Variants in GMDS observed in about 807,000 individuals in gnomAD.
GMDS encodes the protein GDP-mannose 4,6 dehydratase.
A neutral mutation model predicts 49.9 loss-of-function variants in GMDS; 20 were observed. The ratio of observed to expected loss-of-function variants is 0.40; its 90% CI spans 0.28 to 0.58. GMDS has a LOEUF of 0.58. Ranked by LOEUF, GMDS falls within the 20% of genes least tolerant of loss-of-function variation. The pLI is 0.42. For missense variants in GMDS, 362 were observed against 481.4 expected, an observed-to-expected ratio of 0.75 and a Z score of 2.32; for synonymous variants, 177 against 178.6, an observed-to-expected ratio of 0.99 and a Z score of 0.07.
intron 7 of GMDS, among the ~76,000 whole-genome samples, chr6:1,850,340 T>C (rs924740316): frequency 2.6e-5 from 4 of 152,224 alleles, no homozygotes; most frequent in African/African-American, 9.6e-5. Flanking sequence ...CATGTTGTAG[T>C]GAGGCGCTTC....
intron 4 of GMDS, among the ~76,000 whole-genome samples, chr6:2,114,972 CA>C (rs1554166845): frequency 0.091 from 13,775 of 151,048 alleles, 1,155 homozygotes; most frequent in East Asian, 0.2. Context: ...AACAAACAAA[CA>C]AAAAAAAACC....
At chr6:1,942,458 T>A (rs1247941550) in intron 6 of GMDS, among the ~76,000 whole-genome samples, 3 of 152,152 alleles carry the variant, frequency 2.0e-5, no homozygotes. Context: ...CAAGGTAAGA[T>A]CCTGGCCCAA....
At chr6:2,163,530 A>C (rs989599635) in intron 1 of GMDS, among the ~76,000 whole-genome samples, 2 of 152,198 alleles carry the variant, frequency 1.3e-5, no homozygotes, top group African/African-American at 2.4e-5. Flanking sequence ...CTGTAGACCC[A>C]GGAGAGCCAA....
chr6:1,793,567 G>C (rs1317328419), intron 7 of GMDS, among the ~76,000 whole-genome samples: 2 of 152,160 alleles, frequency 1.3e-5, no homozygotes, highest in Non-Finnish European at 2.9e-5. Context: ...GGATGTTTCT[G>C]AGCCACCGCA....
At chr6:1,916,030 G>C (rs1210397909) in intron 7 of GMDS, among the ~76,000 whole-genome samples, 1 of 152,200 alleles carries the variant, frequency 6.6e-6, no homozygotes, top group Non-Finnish European at 1.5e-5. Context: ...TGCTCACGCA[G>C]GCTTCGCAGG....
intron 7 of GMDS, among the ~76,000 whole-genome samples, chr6:1,809,160 T>G (rs1164279415): frequency 1.3e-5 from 2 of 152,214 alleles, no homozygotes; most frequent in East Asian, 3.8e-4. Flanking sequence ...TTTTATTTTC[T>G]CCAGGCTCCT....
chr6:1,768,643 A>G (rs541230437), intron 7 of GMDS, among the ~76,000 whole-genome samples: 22 of 152,364 alleles, frequency 1.4e-4, no homozygotes, highest in Admixed American at 2.6e-4. Flanking sequence ...TGCTGACTTA[A>G]CGTCCAAAGG....
chr6:1,711,689 C>A (rs552655476), intron 9 of GMDS, among the ~76,000 whole-genome samples: 2 of 152,212 alleles, frequency 1.3e-5, no homozygotes, highest in African/African-American at 2.4e-5. Context: ...TATCTCTGTG[C>A]TATCAGCCTG....
At chr6:1,912,818 C>A (rs933463521) in intron 7 of GMDS, among the ~76,000 whole-genome samples, 1 of 152,094 alleles carries the variant, frequency 6.6e-6, no homozygotes, top group South Asian at 2.1e-4. Context: ...TAGAATATTA[C>A]AACATAAAAA....
At chr6:1,741,811 C>CAAAAAAAA (rs758949708) in intron 8 of GMDS, among the ~76,000 whole-genome samples, 2 of 23,042 alleles carry the variant, frequency 8.7e-5, no homozygotes, top group Non-Finnish European at 9.6e-5. Context: ...GACTCTGTCT[C>CAAAAAAAA]AAAAAAAAAA....
intron 9 of GMDS, among the ~76,000 whole-genome samples, chr6:1,693,969 T>C (rs1476060703): frequency 1.3e-5 from 2 of 152,254 alleles, no homozygotes; most frequent in East Asian, 3.9e-4. Context: ...TTGCCCAAGG[T>C]TATACAACTA....
chr6:1,685,013 C>CT (rs1321721185), intron 9 of GMDS, among the ~76,000 whole-genome samples: 1 of 111,096 alleles, frequency 9.0e-6, no homozygotes, highest in Non-Finnish European at 2.0e-5. Flanking sequence ...CCCTCTCTCC[C>CT]CCCCCTTTTT....
chr6:1,958,103 G>C (rs1203057689), intron 6 of GMDS, among the ~76,000 whole-genome samples: 2 of 145,398 alleles, frequency 1.4e-5, no homozygotes, highest in Non-Finnish European at 3.0e-5. Context: ...ACTGTGCCTG[G>C]CCTTAAAATA....
At chr6:1,867,465 G>C (rs1020089551) in intron 7 of GMDS, among the ~76,000 whole-genome samples, 1 of 152,144 alleles carries the variant, frequency 6.6e-6, no homozygotes, top group African/African-American at 2.4e-5. Flanking sequence ...ATATAGACAG[G>C]AGCAATTTGT....
At chr6:1,736,890 C>T (rs1767018572) in intron 8 of GMDS, among the ~76,000 whole-genome samples, 2 of 152,146 alleles carry the variant, frequency 1.3e-5, no homozygotes, top group South Asian at 2.1e-4. Flanking sequence ...TCTGCAAATT[C>T]CCGAGGAATG....
intron 9 of GMDS, among the ~76,000 whole-genome samples, chr6:1,709,462 G>T (rs991179131): frequency 6.6e-6 from 1 of 152,228 alleles, no homozygotes; most frequent in African/African-American, 2.4e-5. Context: ...CAACAGTGAA[G>T]ATCATGTTCC....
At chr6:2,104,345 A>G (rs936762982) in intron 4 of GMDS, among the ~76,000 whole-genome samples, 7 of 152,220 alleles carry the variant, frequency 4.6e-5, no homozygotes, top group African/African-American at 1.7e-4. Flanking sequence ...TGTGTTATCA[A>G]TAGTAGCTTT....
At chr6:1,942,767 C>T (rs914764514) in intron 6 of GMDS, among the ~76,000 whole-genome samples, 1 of 152,232 alleles carries the variant, frequency 6.6e-6, no homozygotes, top group African/African-American at 2.4e-5. Flanking sequence ...CATTCCCATA[C>T]TTGGGTAACA....
At chr6:1,859,283 T>C (rs555747754) in intron 7 of GMDS, among the ~76,000 whole-genome samples, 2 of 152,304 alleles carry the variant, frequency 1.3e-5, no homozygotes, top group Admixed American at 1.3e-4. Context: ...ATGCTGCTGC[T>C]TGGACAATGG....
Sources: gnomAD v4.1 joint callset for allele counts (sites outside exome capture counted in the v4.1 genomes callset) on GRCh38, gnomAD v4.1.1 for gene constraint, MANE v1.5 for transcripts, NCBI Gene and HGNC (gene_info 2026-07-23, HGNC 2026-07-21) for gene names.